COG5: variants seen among roughly 807,000 people sequenced by gnomAD.
COG5 encodes the protein conserved oligomeric Golgi complex subunit 5.
COG5 carries 86 observed loss-of-function variants against 110.4 expected under a neutral mutation model. That is an observed-to-expected ratio of 0.78 (90% CI 0.65 to 0.93). The LOEUF is 0.93. Ranked by LOEUF, COG5 falls within the 40% of genes least tolerant of loss-of-function variation. COG5 has a pLI of 0.00. For missense variants in COG5, 1,077 were observed against 987.0 expected, an observed-to-expected ratio of 1.09 and a Z score of -1.22; for synonymous variants, 360 against 334.6, an observed-to-expected ratio of 1.08 and a Z score of -0.83.
chr7:107,297,948 G>A (rs986791736), intron 12 of COG5, among the ~76,000 whole-genome samples, 194 bp downstream of exon 12: 7 of 152,026 alleles, frequency 4.6e-5, no homozygotes, highest in African/African-American at 1.4e-4. Flanking sequence ...AGCCACAAGT[G>A]TTCAACTAAG....
intron 7 of COG5, among the ~76,000 whole-genome samples, chr7:107,373,017 CAAG>C (rs1311812840): frequency 4.0e-5 from 6 of 151,870 alleles, no homozygotes; most frequent in Admixed American, 2.0e-4. Context: ...TAAAAAATAA[CAAG>C]AAGTTTGAAA....
At chr7:107,247,537 C>A (rs1802147178) in intron 17 of COG5, among the ~76,000 whole-genome samples, 1 of 152,012 alleles carries the variant, frequency 6.6e-6, no homozygotes, top group Non-Finnish European at 1.5e-5. Context: ...CAGGACTGCT[C>A]AAAAATAATA....
At chr7:107,231,501 T>G (rs1800771661) in intron 18 of COG5, among the ~76,000 whole-genome samples, 1 of 152,216 alleles carries the variant, frequency 6.6e-6, no homozygotes, top group South Asian at 2.1e-4. Context: ...GCGAACTTTT[T>G]GCATATGTGC....
chr7:107,375,304 T>G (rs1019409873), intron 7 of COG5, among the ~76,000 whole-genome samples: 2 of 152,184 alleles, frequency 1.3e-5, no homozygotes, highest in South Asian at 4.1e-4. Context: ...TACCTTTAGG[T>G]ATTTTAATTT....
At chr7:107,211,925 G>A (rs1383575688) in intron 19 of COG5, among the ~76,000 whole-genome samples, 1 of 152,186 alleles carries the variant, frequency 6.6e-6, no homozygotes, top group African/African-American at 2.4e-5. Flanking sequence ...ATTAGAAGCG[G>A]AGCTGTGGAC....
At chr7:107,284,509 G>A (rs925184396) in intron 12 of COG5, among the ~76,000 whole-genome samples, 4 of 152,104 alleles carry the variant, frequency 2.6e-5, no homozygotes, top group African/African-American at 7.2e-5. Flanking sequence ...ACAGACTTAG[G>A]TTTTTACATT....
chr7:107,201,921 C>CCAAA lies in COG5; in HGVS notation c.*1591_*1594dup, dbSNP rs1798348723. The stretch of plus-strand genomic sequence containing the variant: ...ACCACCACATGGCTCAGCATCTGTG[C>CCAAA]CAAACATAGGCGCTCCTAGTCTGGT... On this transcript the variant is annotated 3_prime_UTR_variant, in exon 22 of 22. Transcript: ENST00000297135. 1 of 152,930 alleles carries CCAAA rather than the reference C, an allele frequency of 6.5e-6. No homozygotes were observed. Among genetic ancestry groups the CCAAA allele is most frequent in the African/African-American group, 2.4e-5 (1 of 41,450 alleles). The allele number at this position is 152,930 out of a possible 1,614,324, so 9.5% of individuals were successfully genotyped here. A position where few individuals can be genotyped will look rare whatever the true frequency, so the allele number is the denominator to read the frequency against.
intron 6 of COG5, among the ~76,000 whole-genome samples, chr7:107,509,427 G>A (rs952615077): frequency 6.6e-6 from 1 of 152,230 alleles, no homozygotes; most frequent in Non-Finnish European, 1.5e-5. Context: ...TCTGATTGGT[G>A]TACCTGAAAG....
At position 107,236,579 on chromosome 7, in the gene COG5, GCATT is replaced by G; in HGVS notation, c.1958_1961del (p.Glu653AlafsTer27). On this transcript the variant is annotated frameshift_variant, in exon 18 of 22. Coordinates refer to ENST00000297135, the MANE Select transcript of COG5 (RefSeq NM_006348.5). LOFTEE classifies it high-confidence loss of function. ...CAGTGTTGTCAAAGACAAAATCCAAGCATTCAAAGTGTTTAAAATAGTCACTCAT... is the reference window on the plus strand; with the variant it reads ...CAGTGTTGTCAAAGACAAAATCCAAGCAAAGTGTTTAAAATAGTCACTCAT... 6.2e-7 allele frequency: 1 copy of G among 1,613,998 alleles called. No homozygotes were observed. Among genetic ancestry groups the G allele is most frequent in the Non-Finnish European group, 8.5e-7 (1 of 1,179,918 alleles).
chr7:107,387,128 T>A (rs115003508), intron 7 of COG5, among the ~76,000 whole-genome samples: 1,566 of 152,270 alleles, frequency 0.01, 12 homozygotes, highest in African/African-American at 0.036. Flanking sequence ...GTATTTCTTT[T>A]AACACTTATA....
intron 6 of COG5, among the ~76,000 whole-genome samples, chr7:107,522,464 G>C (rs764558231): frequency 6.6e-6 from 1 of 152,004 alleles, no homozygotes; most frequent in African/African-American, 2.4e-5. Context: ...GTGAAACTCC[G>C]TCTCAAAAAA....
intron 21 of COG5, chr7:107,208,391 C>T: frequency 1.0e-6 from 1 of 985,432 alleles, no homozygotes. Flanking sequence ...GTGATGTACA[C>T]ACAGCAGGAC....
At chr7:107,539,540 T>C (rs1801826893) in intron 5 of COG5, among the ~76,000 whole-genome samples, 1 of 152,174 alleles carries the variant, frequency 6.6e-6, no homozygotes, top group Non-Finnish European at 1.5e-5. Context: ...GAGCTTGGCG[T>C]AGAGAAGTGG....
chr7:107,422,235 A>G (rs1793345847), intron 6 of COG5, among the ~76,000 whole-genome samples: 1 of 152,252 alleles, frequency 6.6e-6, no homozygotes, highest in African/African-American at 2.4e-5. Flanking sequence ...ACAAATTACT[A>G]ATTATATAAT....
At chr7:107,262,677 T>TCCTCAC (rs1319776844) in intron 14 of COG5, among the ~76,000 whole-genome samples, 1 of 152,068 alleles carries the variant, frequency 6.6e-6, no homozygotes, top group East Asian at 1.9e-4. Flanking sequence ...AGGAGATTGT[T>TCCTCAC]CCTCACCTTC....
At chr7:107,260,614 C>T (rs549454314) in intron 14 of COG5, among the ~76,000 whole-genome samples, 67 of 152,060 alleles carry the variant, frequency 4.4e-4, no homozygotes, top group Non-Finnish European at 8.1e-4. Context: ...CCAAGGTTAT[C>T]GACTGATGCT....
At chr7:107,379,326 T>C (rs1814901439) in intron 7 of COG5, among the ~76,000 whole-genome samples, 1 of 152,094 alleles carries the variant, frequency 6.6e-6, no homozygotes, top group Admixed American at 6.5e-5. Context: ...CATACCAAAT[T>C]GTGAAGACCA....
chr7:107,293,473 T>C (rs1373663304), intron 12 of COG5, among the ~76,000 whole-genome samples: 1 of 152,212 alleles, frequency 6.6e-6, no homozygotes, highest in Non-Finnish European at 1.5e-5. Flanking sequence ...TTGACTCAAA[T>C]ACCACAGGCT....
Position 107,414,703 on chromosome 7 carries a change from C to CTTTTTTTTTTTT in COG5, c.539-2083_539-2072dup, listed in dbSNP as rs530323655. 5.3e-4 allele frequency among the ~76,000 whole-genome samples: 33 copies of CTTTTTTTTTTTT among 61,712 alleles called. 9 individuals are homozygous for CTTTTTTTTTTTT. Among genetic ancestry groups the CTTTTTTTTTTTT allele is most frequent in the Non-Finnish European group, 8.4e-4 (22 of 26,226 alleles). The allele number at this position is 61,712 out of a possible 152,430, so 40.5% of individuals were successfully genotyped here. A position where few individuals can be genotyped will look rare whatever the true frequency, so the allele number is the denominator to read the frequency against. On this transcript the variant is annotated intron_variant, in intron 6 of 21. Transcript: ENST00000297135. The stretch of plus-strand genomic sequence containing the variant: ...ATTGATTCCAAAATCCTCACTGTCC[C>CTTTTTTTTTTTT]TTTTTTTTTTTTTTTTTTTTTTTTT...
Sources: allele counts gnomAD v4.1 joint callset (sites outside exome capture counted in the v4.1 genomes callset), GRCh38; gene constraint gnomAD v4.1.1; transcripts MANE v1.5; gene names NCBI Gene and HGNC (gene_info 2026-07-23, HGNC 2026-07-21).